Variants in DAB1 observed in about 807,000 individuals in gnomAD.
The protein encoded by DAB1 is disabled homolog 1.
DAB1 carries 15 observed loss-of-function variants against 64.6 expected under a neutral mutation model. The ratio of observed to expected loss-of-function variants is 0.23; its 90% CI spans 0.16 to 0.36. DAB1 has a LOEUF of 0.36. Among genes scored for constraint, DAB1 ranks in the 10% least tolerant of loss-of-function variants. The pLI, the probability that DAB1 is intolerant of heterozygous loss-of-function variation, is 1.00. For synonymous variants in DAB1, 235 were observed against 251.9 expected (o/e 0.93, Z 0.64); for missense variants, 596 against 706.7 (o/e 0.84, Z 1.78).
At chr1:57,069,934 C>A (rs1405586760) in intron 7 of DAB1, among the ~76,000 whole-genome samples, 1 of 152,148 alleles carries the variant, frequency 6.6e-6, no homozygotes, top group Non-Finnish European at 1.5e-5. Flanking sequence ...TACATTAAAT[C>A]GATTTTTCCA....
At chr1:57,911,198 A>C (rs1251077098) in intron 5 of DAB1, among the ~76,000 whole-genome samples, 2 of 152,246 alleles carry the variant, frequency 1.3e-5, no homozygotes, top group African/African-American at 4.8e-5. Context: ...CCCCAGGTGC[A>C]GTGCAAAAGC....
At chr1:57,410,629 C>G (rs1161273843) in intron 1 of DAB1, among the ~76,000 whole-genome samples, 2 of 152,172 alleles carry the variant, frequency 1.3e-5, no homozygotes, top group African/African-American at 4.8e-5. Context: ...TACTCCTAGC[C>G]GTGTTGATTT....
chr1:58,250,095 G>C (rs1374616520), intron 4 of DAB1, among the ~76,000 whole-genome samples: 1 of 152,148 alleles, frequency 6.6e-6, no homozygotes, highest in Non-Finnish European at 1.5e-5. Context: ...ACAGTAGGCA[G>C]TGCGGGCACA....
chr1:57,106,264 C>CA (rs542920139), intron 4 of DAB1, among the ~76,000 whole-genome samples: 13 of 151,468 alleles, frequency 8.6e-5, no homozygotes, highest in Admixed American at 6.6e-5. Context: ...AACACCCCCC[C>CA]CCATCAGTAT....
chr1:58,283,874 C>T (rs927627838), intron 4 of DAB1, among the ~76,000 whole-genome samples: 3 of 152,174 alleles, frequency 2.0e-5, no homozygotes, highest in African/African-American at 7.2e-5. Flanking sequence ...TTGTCTTTGT[C>T]ATATTGATTT....
At chr1:57,162,866 C>T (rs1660887329) in intron 2 of DAB1, among the ~76,000 whole-genome samples, 1 of 152,168 alleles carries the variant, frequency 6.6e-6, no homozygotes. Flanking sequence ...ACTGAGAAGG[C>T]TGCAATATAA....
At position 57,371,011 on chromosome 1, in the gene DAB1, C is replaced by A. The variant is rs532235274; in HGVS notation, c.-137+52919G>T. ...ACTCAGGCCTTCAAAATAGAGCCATCGCCCTAATTTTGGTCATAGCTCTGG... is the reference window on the plus strand; with the variant it reads ...ACTCAGGCCTTCAAAATAGAGCCATAGCCCTAATTTTGGTCATAGCTCTGG... On this transcript the variant is annotated intron_variant, in intron 1 of 14. Transcript: ENST00000371236. Among the ~76,000 whole-genome samples the A allele has an allele frequency of 2.0e-5, 3 of 152,326 alleles. No individual in the cohort carries two copies. The South Asian group carries it at 6.2e-4, about 32-fold the overall frequency.
At chr1:57,028,303 G>T (rs1165631666) in intron 9 of DAB1, among the ~76,000 whole-genome samples, 1 of 152,158 alleles carries the variant, frequency 6.6e-6, no homozygotes, top group Admixed American at 6.5e-5. Flanking sequence ...CTGCTGCCAT[G>T]TAAGATGTGC....
chr1:57,907,184 T>C (rs1209089862), intron 5 of DAB1, among the ~76,000 whole-genome samples: 1 of 152,190 alleles, frequency 6.6e-6, no homozygotes, highest in Non-Finnish European at 1.5e-5. Flanking sequence ...TTAAAACATT[T>C]TATCAGGACA....
intron 3 of DAB1, among the ~76,000 whole-genome samples, chr1:57,144,274 T>C (rs565557187): frequency 1.3e-3 from 197 of 152,268 alleles, no homozygotes; most frequent in African/African-American, 4.5e-3. Context: ...GCTAAACCAT[T>C]TATTTTTTCA....
At chr1:57,409,568 T>C (rs1016173203) in intron 1 of DAB1, among the ~76,000 whole-genome samples, 1 of 152,140 alleles carries the variant, frequency 6.6e-6, no homozygotes, top group African/African-American at 2.4e-5. Context: ...CCCAGCAATT[T>C]GGGAGGCCGA....
chr1:58,112,514 C>T (rs946315), intron 5 of DAB1, among the ~76,000 whole-genome samples: 22,583 of 152,118 alleles, frequency 0.15, 2,112 homozygotes, highest in East Asian at 0.44. Context: ...TATTTTCTCT[C>T]CAGTAAAATG....
At chr1:57,358,532 T>A (rs1236428449) in intron 1 of DAB1, among the ~76,000 whole-genome samples, 1 of 151,944 alleles carries the variant, frequency 6.6e-6, no homozygotes, top group Non-Finnish European at 1.5e-5. Flanking sequence ...ACTGGAAGAA[T>A]AAATGTTGTT....
chr1:57,992,824 T>C (rs965578878), intron 5 of DAB1, among the ~76,000 whole-genome samples: 1 of 152,064 alleles, frequency 6.6e-6, no homozygotes, highest in Non-Finnish European at 1.5e-5. Context: ...GCTGGTGCCA[T>C]GTCACTACCA....
chr1:57,959,738 T>C (rs181590827), intron 5 of DAB1, among the ~76,000 whole-genome samples: 40 of 152,348 alleles, frequency 2.6e-4, no homozygotes, highest in African/African-American at 9.1e-4. Context: ...CCTTGCTGAA[T>C]ACTTAAAATC....
chr1:57,403,169 A>G (rs1398674600), intron 1 of DAB1, among the ~76,000 whole-genome samples: 3 of 152,134 alleles, frequency 2.0e-5, no homozygotes, highest in Non-Finnish European at 4.4e-5. Flanking sequence ...CTACCTCCTC[A>G]ATCCTGACCA....
chr1:58,047,980 CT>C (rs1224326323), intron 5 of DAB1: 3 of 544,570 alleles, frequency 5.5e-6, no homozygotes, highest in Non-Finnish European at 9.9e-6. Context: ...CTAAAATAAC[CT>C]GTTATACAAT....
intron 6 of DAB1, among the ~76,000 whole-genome samples, chr1:57,663,230 T>C (rs1257529517): frequency 6.6e-6 from 1 of 151,954 alleles, no homozygotes; most frequent in Non-Finnish European, 1.5e-5. Flanking sequence ...AATAACCAGA[T>C]CTCAGGCAAA....
At chr1:58,298,301 T>G (rs2100457885) in intron 4 of DAB1, among the ~76,000 whole-genome samples, 1 of 152,308 alleles carries the variant, frequency 6.6e-6, no homozygotes, top group Non-Finnish European at 1.5e-5. Context: ...CATGTTAAAG[T>G]TTGTTGACTG....
Sources: allele counts gnomAD v4.1 joint callset (sites outside exome capture counted in the v4.1 genomes callset), GRCh38; gene constraint gnomAD v4.1.1; transcripts MANE v1.5; gene names NCBI Gene and HGNC (gene_info 2026-07-23, HGNC 2026-07-21).